Variants in KIAA0825 observed in about 807,000 individuals in gnomAD.
KIAA0825 encodes uncharacterized protein KIAA0825.
KIAA0825 carries 119 observed loss-of-function variants against 147.6 expected under a neutral mutation model. That is an observed-to-expected ratio of 0.81 (90% CI 0.69 to 0.94). The LOEUF (loss-of-function observed/expected upper bound fraction) is 0.94, where lower values mean the gene tolerates loss of function less well. KIAA0825 is among the 40% of genes least tolerant of loss of function. The pLI is 0.00. For synonymous variants in KIAA0825, 470 were observed against 518.1 expected (o/e 0.91, Z 1.26); for missense variants, 1,381 against 1,472.7 (o/e 0.94, Z 1.02).
chr5:94,610,933 C>A (rs1343892689), intron 1 of KIAA0825, among the ~76,000 whole-genome samples: 1 of 151,694 alleles, frequency 6.6e-6, no homozygotes, highest in Non-Finnish European at 1.5e-5. Flanking sequence ...TCAGTTTAAA[C>A]TCCTTAAAGT....
intron 16 of KIAA0825, among the ~76,000 whole-genome samples, chr5:94,400,922 T>A (rs1014559297): frequency 3.3e-5 from 5 of 152,154 alleles, no homozygotes; most frequent in Admixed American, 6.6e-5. Context: ...TCATTTTTAC[T>A]GTGTCAAGAA....
intron 20 of KIAA0825, among the ~76,000 whole-genome samples, chr5:94,326,040 T>C (rs1780652404): frequency 6.6e-6 from 1 of 152,104 alleles, no homozygotes; most frequent in African/African-American, 2.4e-5. Context: ...ATTTGATCCA[T>C]AAAATAAGTG....
chr5:94,508,760 CTCTG>C (rs1205163413), intron 5 of KIAA0825, among the ~76,000 whole-genome samples: 6 of 152,132 alleles, frequency 3.9e-5, no homozygotes, highest in Admixed American at 2.6e-4. Context: ...TTCCTATGTG[CTCTG>C]TCTCTCTATT....
intron 20 of KIAA0825, among the ~76,000 whole-genome samples, chr5:94,263,447 C>T (rs960181134): frequency 7.2e-5 from 11 of 152,140 alleles, no homozygotes; most frequent in African/African-American, 2.4e-4. Flanking sequence ...GAACAGGATT[C>T]ATGTGTTTTG....
chr5:94,536,226 A>G (rs1234671166), intron 3 of KIAA0825, among the ~76,000 whole-genome samples: 1 of 152,220 alleles, frequency 6.6e-6, no homozygotes, highest in African/African-American at 2.4e-5. Context: ...AGAAGGAAAA[A>G]TATCATAGGA....
At chr5:94,505,261 T>C (rs1765603924) in intron 5 of KIAA0825, among the ~76,000 whole-genome samples, 1 of 151,380 alleles carries the variant, frequency 6.6e-6, no homozygotes, top group South Asian at 2.1e-4. Context: ...CTGGGGAGGC[T>C]GAGGCATGAG....
intron 5 of KIAA0825, among the ~76,000 whole-genome samples, chr5:94,486,648 T>A (rs544475251): frequency 6.6e-6 from 1 of 152,276 alleles, no homozygotes; most frequent in East Asian, 1.9e-4. Flanking sequence ...TGTTCTTCTA[T>A]GGGCATGTTA....
chr5:94,618,346 A>T (rs564878420), intron 1 of KIAA0825, 154 bp downstream of exon 1: 1 of 152,858 alleles, frequency 6.5e-6, no homozygotes, highest in African/African-American at 2.4e-5. Context: ...GGCCTTCTCC[A>T]GCTGCACTGG....
At chr5:94,457,235 C>T (rs955897571) in intron 12 of KIAA0825, among the ~76,000 whole-genome samples, 11 of 152,190 alleles carry the variant, frequency 7.2e-5, no homozygotes, top group Admixed American at 7.2e-4. Flanking sequence ...AGCTATTAGA[C>T]AACCTCTAAT....
At chr5:94,256,774 C>T (rs1459775343) in intron 20 of KIAA0825, among the ~76,000 whole-genome samples, 1 of 152,060 alleles carries the variant, frequency 6.6e-6, no homozygotes, top group Non-Finnish European at 1.5e-5. Flanking sequence ...AAAGTGTTGG[C>T]AAGTTCTGGA....
chr5:94,389,540 G>T (rs1749623628), intron 18 of KIAA0825, among the ~76,000 whole-genome samples: 1 of 152,132 alleles, frequency 6.6e-6, no homozygotes, highest in African/African-American at 2.4e-5. Context: ...TTTCCCTGAT[G>T]ACTTCTTTGT....
chr5:94,248,430 G>T (rs1775742993), intron 20 of KIAA0825, among the ~76,000 whole-genome samples: 1 of 152,056 alleles, frequency 6.6e-6, no homozygotes. Context: ...AAATTATCAT[G>T]GTCATCAACA....
chr5:94,375,054 T>C (rs1747342136), intron 20 of KIAA0825, among the ~76,000 whole-genome samples: 1 of 135,856 alleles, frequency 7.4e-6, no homozygotes, highest in Admixed American at 7.7e-5. Flanking sequence ...TTTTTTTTGA[T>C]AAAGTCTCGC....
chr5:94,546,792 C>CA (rs372542896), intron 2 of KIAA0825, among the ~76,000 whole-genome samples: 4,785 of 48,646 alleles, frequency 0.098, 368 homozygotes, highest in East Asian at 0.23. Context: ...GTCCAGGCAC[C>CA]AAAAAAAAAA....
chr5:94,258,703 G>C (rs1776360302), intron 20 of KIAA0825, among the ~76,000 whole-genome samples: 4 of 151,960 alleles, frequency 2.6e-5, no homozygotes, highest in Non-Finnish European at 5.9e-5. Context: ...TCACTGAAAA[G>C]TGATTGCAAC....
intron 18 of KIAA0825, 98 bp downstream of exon 18, chr5:94,391,437 G>T: frequency 8.6e-7 from 1 of 1,157,608 alleles, no homozygotes; most frequent in South Asian, 1.4e-5. Flanking sequence ...TTGACTTTAA[G>T]AAGTATTATC....
intron 1 of KIAA0825, among the ~76,000 whole-genome samples, chr5:94,590,596 C>T (rs767468205): frequency 3.9e-5 from 6 of 152,212 alleles, no homozygotes; most frequent in Admixed American, 6.5e-5. Flanking sequence ...TACCCCATAG[C>T]TGAAATCACA....
chr5:94,398,441 G>T (rs941821684), intron 16 of KIAA0825, among the ~76,000 whole-genome samples: 5 of 124,060 alleles, frequency 4.0e-5, no homozygotes, highest in South Asian at 5.5e-4. Context: ...AGACTTCTGA[G>T]TATATCATTA....
intron 14 of KIAA0825, among the ~76,000 whole-genome samples, chr5:94,419,798 A>C (rs1173247408): frequency 2.0e-5 from 3 of 152,176 alleles, no homozygotes; most frequent in African/African-American, 4.8e-5. Context: ...GTGAGTGACC[A>C]TGCATCTGAG....
Sources: allele counts gnomAD v4.1 joint callset (sites outside exome capture counted in the v4.1 genomes callset), GRCh38; gene constraint gnomAD v4.1.1; transcripts MANE v1.5; gene names NCBI Gene and HGNC (gene_info 2026-07-23, HGNC 2026-07-21).